USH2A: variants seen among roughly 807,000 people sequenced by gnomAD.
The protein encoded by USH2A is Usher syndrome 2A (autosomal recessive, mild).
Under a neutral mutation model 538.9 loss-of-function variants are expected in USH2A, and 443 were observed. That is an observed-to-expected ratio of 0.82 (90% confidence interval 0.76 to 0.89). The LOEUF (loss-of-function observed/expected upper bound fraction) is 0.89. USH2A is among the 40% of genes least tolerant of loss of function. The pLI is 0.00. For synonymous variants in USH2A, 2,413 were observed against 2,273.5 expected, an observed-to-expected ratio of 1.06 and a Z score of -1.75; for missense variants, 6,633 against 6,324.8, an observed-to-expected ratio of 1.05 and a Z score of -1.65.
chr1:215,629,348 T>G (rs1487344601), intron 70 of USH2A, among the ~76,000 whole-genome samples: 3 of 152,142 alleles, frequency 2.0e-5, no homozygotes, highest in Admixed American at 1.3e-4. Context: ...GGCAAGGGCT[T>G]GCTGCATTGC....
At chr1:215,766,835 T>C (rs761091991) in intron 55 of USH2A, 47 bp from the exon 56 acceptor site, 5 of 1,514,552 alleles carry the variant, frequency 3.3e-6, no homozygotes, top group Non-Finnish European at 3.7e-6. Flanking sequence ...GAGGATTATT[T>C]ATTATCAATT....
In USH2A at chr1:216,247,233, A is replaced by T; in HGVS notation, c.2168-7T>A. The T allele has an allele frequency of 1.9e-6, 3 of 1,613,732 alleles. No homozygotes were observed. Among genetic ancestry groups the T allele is most frequent in the Non-Finnish European group, 1.7e-6 (2 of 1,179,808 alleles). ...CAATGATCACACCTAAGCCCTAAAG[A>T]TAAAATATATTTAAAAGGTGAGGAT... On this transcript the variant is annotated splice_polypyrimidine_tract_variant and splice_region_variant and intron_variant, in intron 12 of 71. Transcript: ENST00000307340.
chr1:216,313,219 G>A (rs1481003395), intron 9 of USH2A, among the ~76,000 whole-genome samples: 1 of 152,162 alleles, frequency 6.6e-6, no homozygotes, highest in South Asian at 2.1e-4. Flanking sequence ...AGGAGGCAGA[G>A]CTCAGGAAGT....
At chr1:216,039,061 T>C (rs2030137158) in intron 32 of USH2A, among the ~76,000 whole-genome samples, 1 of 152,056 alleles carries the variant, frequency 6.6e-6, no homozygotes, top group Non-Finnish European at 1.5e-5. Flanking sequence ...TAGAAGCACC[T>C]TAATGGAAGA....
chr1:215,933,275 G>C (rs1666408424), intron 38 of USH2A, among the ~76,000 whole-genome samples: 1 of 151,906 alleles, frequency 6.6e-6, no homozygotes. Context: ...GTATTGAAGT[G>C]AAAAATGAAG....
chr1:216,004,479 T>C (rs1668345446), intron 32 of USH2A, among the ~76,000 whole-genome samples: 1 of 152,078 alleles, frequency 6.6e-6, no homozygotes, highest in African/African-American at 2.4e-5. Flanking sequence ...AAATCGGCCA[T>C]CGGGTATAAC....
At chr1:216,150,081 AAGTCACCCCACCACTT>A (rs1301057711) in intron 21 of USH2A, among the ~76,000 whole-genome samples, 1 of 152,038 alleles carries the variant, frequency 6.6e-6, no homozygotes, top group Non-Finnish European at 1.5e-5. Flanking sequence ...GGGCTTTACG[AAGTCACCCCACCACTT>A]AGGCCGAGCC....
intron 41 of USH2A, among the ~76,000 whole-genome samples, chr1:215,885,193 T>C (rs933453160): frequency 6.6e-6 from 1 of 151,992 alleles, no homozygotes; most frequent in Non-Finnish European, 1.5e-5. Context: ...AAATAACTTC[T>C]TAATTGTATG....
rs1274321323 is a variant in USH2A, at chr1:215,624,241, G to C, written c.*1540C>G. 1 of 152,106 alleles carries C rather than the reference G, an allele frequency of 6.6e-6. No homozygotes were observed. Among genetic ancestry groups the C allele is most frequent in the African/African-American group, 2.4e-5 (1 of 41,424 alleles). 9.4% of individuals were successfully genotyped at this position (152,106 alleles called of 1,614,324 possible). ...CTGCTTAATACTGGCCTGTGCTTTT[G>C]ACACTTATGGTTGGCAAACTTTGTC... On this transcript the variant is annotated 3_prime_UTR_variant, in exon 72 of 72. Transcript: ENST00000307340.
chr1:216,219,415 T>C (rs2035409620), intron 14 of USH2A, among the ~76,000 whole-genome samples: 1 of 152,120 alleles, frequency 6.6e-6, no homozygotes. Context: ...TTAAGCAAAA[T>C]GATTCCTTTA....
intron 57 of USH2A, 116 bp downstream of exon 57, chr1:215,759,544 G>A (rs1267936427): frequency 1.6e-6 from 2 of 1,287,400 alleles, no homozygotes; most frequent in African/African-American, 3.0e-5. Flanking sequence ...AATGGCCAAT[G>A]AATGAGGAAG....
intron 3 of USH2A, among the ~76,000 whole-genome samples, chr1:216,416,670 T>G (rs1052231987): frequency 1.3e-5 from 2 of 152,156 alleles, no homozygotes; most frequent in African/African-American, 4.8e-5. Flanking sequence ...CAGTAGGCAC[T>G]CTAAGAGCAT....
intron 32 of USH2A, among the ~76,000 whole-genome samples, chr1:216,026,820 A>G (rs1025296200): frequency 6.6e-6 from 1 of 152,188 alleles, no homozygotes. Context: ...AAAACTGTTA[A>G]ACCACATATG....
chr1:216,075,416 G>A (rs919002255), intron 27 of USH2A, among the ~76,000 whole-genome samples: 5 of 152,110 alleles, frequency 3.3e-5, no homozygotes. Context: ...GAGAGGAGTG[G>A]AAATGCTTTC....
chr1:215,783,288 C>G (rs1357176627), intron 52 of USH2A, among the ~76,000 whole-genome samples: 1 of 152,130 alleles, frequency 6.6e-6, no homozygotes, highest in Non-Finnish European at 1.5e-5. Flanking sequence ...GGTTTGGCAA[C>G]ATTCTTTTAT....
intron 9 of USH2A, among the ~76,000 whole-genome samples, chr1:216,308,946 A>T (rs1429816690): frequency 6.6e-6 from 1 of 152,214 alleles, no homozygotes; most frequent in Admixed American, 6.5e-5. Flanking sequence ...GCATTGCAGC[A>T]TGAGGGCAAA....
chr1:215,848,600 T>C (rs921275263), intron 44 of USH2A, among the ~76,000 whole-genome samples: 4 of 152,152 alleles, frequency 2.6e-5, no homozygotes, highest in Non-Finnish European at 5.9e-5. Flanking sequence ...CAGGAAAAGA[T>C]GGTGATTCCG....
At chr1:215,962,106 T>G (rs1381302655) in intron 37 of USH2A, among the ~76,000 whole-genome samples, 8 of 152,016 alleles carry the variant, frequency 5.3e-5, no homozygotes, top group Admixed American at 5.3e-4. Context: ...CTCAAGATAC[T>G]GTGAAATAGC....
chr1:216,281,505 C>G (rs2036775058), intron 11 of USH2A, among the ~76,000 whole-genome samples: 1 of 152,182 alleles, frequency 6.6e-6, no homozygotes, highest in African/African-American at 2.4e-5. Flanking sequence ...GTCTTCCTTT[C>G]CCTACTCTAA....
Sources: gnomAD v4.1 joint callset for allele counts (sites outside exome capture counted in the v4.1 genomes callset) on GRCh38, gnomAD v4.1.1 for gene constraint, MANE v1.5 for transcripts, NCBI Gene and HGNC (gene_info 2026-07-23, HGNC 2026-07-21) for gene names.